Variants in TNFSF18 observed in about 807,000 individuals in gnomAD.
The protein encoded by TNFSF18 is TNF superfamily member 18.
TNFSF18 carries 6 observed loss-of-function variants against 9.6 expected under a neutral mutation model. The ratio of observed to expected loss-of-function variants is 0.63; its 90% CI spans 0.34 to 1.24. The LOEUF (loss-of-function observed/expected upper bound fraction) is 1.24. TNFSF18 is among the 50% of genes most tolerant of loss of function. The probability of loss-of-function intolerance (pLI) is 0.03; values close to 1 mark genes in which losing one functional copy is unlikely to be tolerated. For synonymous variants in TNFSF18, 68 were observed against 71.7 expected, an observed-to-expected ratio of 0.95 and a Z score of 0.26; for missense variants, 210 against 201.0, an observed-to-expected ratio of 1.04 and a Z score of -0.27.
intron 1 of TNFSF18, among the ~76,000 whole-genome samples, chr1:173,046,696 T>A: frequency 6.6e-6 from 1 of 152,158 alleles, no homozygotes; most frequent in East Asian, 1.9e-4. Flanking sequence ...CTCACCCTTA[T>A]AAATATATAT....
Position 173,039,640 on chromosome 1 carries a change from A to G in TNFSF18, c.*1727T>C, listed in dbSNP as rs1664957905. On this transcript the variant is annotated 3_prime_UTR_variant, in exon 3 of 3. Coordinates refer to ENST00000404377, the MANE Select transcript of TNFSF18 (RefSeq NM_005092.4). ...GAAAATTTAATAATATGTGCTTATA[A>G]GCTAGCACCAGCCCACTCCAGCACA... 6.6e-6 allele frequency among the ~76,000 whole-genome samples: 1 copy of G among 152,096 alleles called. No homozygotes were observed. The highest frequency in any genetic ancestry group is 1.5e-5 in the Non-Finnish European group (1 of 68,014).
In TNFSF18 at chr1:173,041,551, A is replaced by G; in HGVS notation, c.350T>C (p.Leu117Pro). ...YNDVAPFEVR[L>P]YKNKDMIQTL... Reference sequence around the variant, plus strand: ...TTGTATCATGTCTTTGTTTTTATACAGCCGCACCTCAAAAGGAGCTACATC... The same window carrying G: ...TTGTATCATGTCTTTGTTTTTATACGGCCGCACCTCAAAAGGAGCTACATC... Residue 117 changes from leucine to proline, a missense_variant, in exon 3 of 3, where the codon CTG (leucine) becomes CCG (proline). Transcript: ENST00000404377. 1 of 1,613,574 alleles carries G rather than the reference A, an allele frequency of 6.2e-7. No homozygotes were observed. The highest frequency in any genetic ancestry group is 8.5e-7 in the Non-Finnish European group (1 of 1,179,646).
chr1:173,039,376 G>T lies in TNFSF18; in HGVS notation c.*1991C>A, dbSNP rs1438973351. 6.6e-6 allele frequency among the ~76,000 whole-genome samples: 1 copy of T among 152,102 alleles called. No homozygotes were observed. Among genetic ancestry groups the T allele is most frequent in the East Asian group, 1.9e-4 (1 of 5,202 alleles). On this transcript the variant is annotated 3_prime_UTR_variant, in exon 3 of 3. Transcript: ENST00000404377. ...CTGTAGTAACCTCTGCTTGCCCTGA[G>T]AAATCACCAGTATGCCAAATTTTTA...
chr1:173,044,020 A>AT (rs1162395085), intron 1 of TNFSF18, 51 bp from the exon 2 acceptor site: 3 of 1,510,144 alleles, frequency 2.0e-6, no homozygotes, highest in Non-Finnish European at 2.8e-6. Context: ...AGTGTCATTA[A>AT]TTTTTTTGAT....
At chr1:173,046,503 T>C (rs1017828493) in intron 1 of TNFSF18, among the ~76,000 whole-genome samples, 3 of 152,238 alleles carry the variant, frequency 2.0e-5, no homozygotes, top group African/African-American at 7.2e-5. Context: ...AAACTTCAAA[T>C]TGCTGTATCA....
chr1:173,043,934 C>G lies in TNFSF18; in HGVS notation c.187+5G>C. The G allele has an allele frequency of 2.5e-6, 4 of 1,612,026 alleles. No homozygotes were observed. The highest frequency in any genetic ancestry group is 2.5e-6 in the Non-Finnish European group (3 of 1,178,218). ...AGTAAAAGACATGCAAGATAGGTTA[C>G]TCACCAAACTTAGCCATACAGGGCT... On this transcript the variant is annotated splice_donor_5th_base_variant and intron_variant, in intron 2 of 2. Transcript: ENST00000404377.
In TNFSF18 at chr1:173,041,709, T is replaced by A. The variant is rs746838463; in HGVS notation, c.192A>T (p.Pro64=). The change falls in exon 3 of 3, where the codon CCA becomes CCT. Residue 64 remains proline (P), a synonymous_variant. Transcript: ENST00000404377. ...ATGCCATTTGCCATTTTGAGGGTAATGGTCCTATAAGAAATATACAAGGAT... is the reference window on the plus strand; with the variant it reads ...ATGCCATTTGCCATTTTGAGGGTAAAGGTCCTATAAGAAATATACAAGGAT... The part of the protein sequence containing the change: ...AKEPCMAKFG[P]LPSKWQMASS... The A allele has an allele frequency of 1.9e-6, 3 of 1,592,562 alleles. No homozygotes were observed. Among genetic ancestry groups the A allele is most frequent in the Non-Finnish European group, 2.6e-6 (3 of 1,170,680 alleles).
chr1:173,050,822 C>T lies in TNFSF18; in HGVS notation c.75G>A (p.Lys25=), dbSNP rs773844648. 9 of 1,613,624 alleles carry T rather than the reference C, an allele frequency of 5.6e-6. No homozygotes were observed. Among genetic ancestry groups the T allele is most frequent in the Non-Finnish European group, 6.8e-6 (8 of 1,179,726 alleles). Residue 25 remains lysine, a synonymous_variant, in exon 1 of 3, where the codon AAG becomes AAA. Coordinates refer to ENST00000404377, the MANE Select transcript of TNFSF18 (RefSeq NM_005092.4). ...RTQGAQRSSW[K]LWLFCSIVML... is the part of the protein sequence containing the mutation. ...TAACTATTGAGCAAAAGAGCCACAGCTTCCAGGATGATCTCTGAGCTCCTT... is the reference window on the plus strand; with the variant it reads ...TAACTATTGAGCAAAAGAGCCACAGTTTCCAGGATGATCTCTGAGCTCCTT...
chr1:173,048,728 G>A (rs1313949027), intron 1 of TNFSF18, among the ~76,000 whole-genome samples: 1 of 152,170 alleles, frequency 6.6e-6, no homozygotes, highest in Non-Finnish European at 1.5e-5. Context: ...AATCTGGAAA[G>A]TGGGACTTTG....
At chr1:173,044,264 C>A (rs1036770597) in intron 1 of TNFSF18, among the ~76,000 whole-genome samples, 1 of 151,738 alleles carries the variant, frequency 6.6e-6, no homozygotes, top group Admixed American at 6.6e-5. Flanking sequence ...GACCCCCCCC[C>A]CAACCTTGGG....
Position 173,046,765 on chromosome 1 carries a change from A to G in TNFSF18, c.157-2796T>C, listed in dbSNP as rs117708869. ...ACTTGTATATAGTATAATAATTAGC[A>G]TACAAATGTTGGGAATTATACTGAT... On this transcript the variant is annotated intron_variant, in intron 1 of 2. Transcript: ENST00000404377. Among the ~76,000 whole-genome samples, 43 of 152,258 alleles carry G rather than the reference A, an allele frequency of 2.8e-4. No individual in the cohort carries two copies. The East Asian group carries it at 8.1e-3, about 29-fold the overall frequency.
chr1:173,042,927 A>T (rs1173769137), intron 2 of TNFSF18, among the ~76,000 whole-genome samples: 1 of 152,168 alleles, frequency 6.6e-6, no homozygotes, highest in Admixed American at 6.5e-5. Flanking sequence ...CTAGAACAAA[A>T]GACAAAGCCA....
intron 1 of TNFSF18, 80 bp downstream of exon 1, chr1:173,050,661 G>A: frequency 1.1e-6 from 1 of 914,018 alleles, no homozygotes; most frequent in South Asian, 1.7e-5. Context: ...ACAATACTGA[G>A]TGACAATGAT....
chr1:173,050,327 A>G (rs1209139235), intron 1 of TNFSF18, among the ~76,000 whole-genome samples: 1 of 152,154 alleles, frequency 6.6e-6, no homozygotes, highest in Admixed American at 6.5e-5. Flanking sequence ...CCTGTCATTT[A>G]CTTAATCCTG....
chr1:173,049,768 T>TA (rs1369604395), intron 1 of TNFSF18, among the ~76,000 whole-genome samples: 3 of 152,200 alleles, frequency 2.0e-5, no homozygotes, highest in African/African-American at 4.8e-5. Flanking sequence ...CCCCAAAACT[T>TA]AGAGTCTTCA....
Position 173,045,072 on chromosome 1 carries a change from A to C in TNFSF18, c.157-1103T>G, listed in dbSNP as rs530285304. Among the ~76,000 whole-genome samples, 33 of 152,302 alleles carry C rather than the reference A, an allele frequency of 2.2e-4. No homozygotes were observed. The South Asian group carries it at 3.1e-3, about 14-fold the overall frequency. On this transcript the variant is annotated intron_variant, in intron 1 of 2. Coordinates refer to ENST00000404377, the MANE Select transcript of TNFSF18 (RefSeq NM_005092.4). ...AACAATGATGAGTTTGGTTGTGGAC[A>C]TATTAGTTTGTGATGCTTATTATAA...
At chr1:173,044,318 G>A (rs894887008) in intron 1 of TNFSF18, among the ~76,000 whole-genome samples, 4 of 151,672 alleles carry the variant, frequency 2.6e-5, no homozygotes, top group Admixed American at 2.0e-4. Context: ...ACACCCCAGT[G>A]ACTGCACAAG....
At position 173,046,929 on chromosome 1, in the gene TNFSF18, G is replaced by A. The variant is rs533015538; in HGVS notation, c.157-2960C>T. On this transcript the variant is annotated intron_variant, in intron 1 of 2. Transcript: ENST00000404377. ...GTTTTTTGAGACAGGGTCTCATTCC[G>A]TTGCCCAGGCTGGAGTGCAGTGGTG... Among the ~76,000 whole-genome samples the A allele has an allele frequency of 5.9e-5, 9 of 151,438 alleles. No homozygotes were observed. In the South Asian group the frequency reaches 8.3e-4, roughly 14 times the overall value.
At chr1:173,049,887 A>T (rs535830949) in intron 1 of TNFSF18, among the ~76,000 whole-genome samples, 1 of 152,154 alleles carries the variant, frequency 6.6e-6, no homozygotes, top group Non-Finnish European at 1.5e-5. Flanking sequence ...AGTAAAGAAC[A>T]AAACTAATCT....
Sources: gnomAD v4.1 joint callset for allele counts (sites outside exome capture counted in the v4.1 genomes callset) on GRCh38, gnomAD v4.1.1 for gene constraint, MANE v1.5 for transcripts, NCBI Gene and HGNC (gene_info 2026-07-23, HGNC 2026-07-21) for gene names.